KLHL1: variants seen among roughly 807,000 people sequenced by gnomAD.
The protein encoded by KLHL1 is kelch-like protein 1.
A neutral mutation model predicts 77.7 loss-of-function variants in KLHL1; 47 were observed. That is an observed-to-expected ratio of 0.60 (90% CI 0.48 to 0.77). The LOEUF (loss-of-function observed/expected upper bound fraction) is 0.77, where lower values mean the gene tolerates loss of function less well. Among genes scored for constraint, KLHL1 ranks in the 30% least tolerant of loss-of-function variants. The pLI, the probability that KLHL1 is intolerant of heterozygous loss-of-function variation, is 0.00. For synonymous variants in KLHL1, 360 were observed against 325.2 expected (o/e 1.11, Z -1.15); for missense variants, 925 against 910.8 (o/e 1.02, Z -0.20).
chr13:69,877,429 G>C (rs1335449819), intron 5 of KLHL1, among the ~76,000 whole-genome samples: 5 of 151,844 alleles, frequency 3.3e-5, no homozygotes, highest in African/African-American at 1.2e-4. Context: ...GCAGAATAAT[G>C]AGTAAATCAA....
intron 7 of KLHL1, among the ~76,000 whole-genome samples, chr13:69,780,709 T>TATATATATATATATATATAC (rs1333208359): frequency 5.4e-5 from 2 of 37,346 alleles, no homozygotes; most frequent in Non-Finnish European, 1.0e-4. Context: ...TATGTATATA[T>TATATATATATATATATATAC]ATATATGTAT....
chr13:69,792,001 G>T (rs530266018), intron 7 of KLHL1, among the ~76,000 whole-genome samples: 1 of 152,110 alleles, frequency 6.6e-6, no homozygotes, highest in Non-Finnish European at 1.5e-5. Context: ...GAGAAATAGC[G>T]AATGCATGCT....
chr13:70,047,361 T>C (rs1886526809), intron 1 of KLHL1, among the ~76,000 whole-genome samples: 1 of 151,486 alleles, frequency 6.6e-6, no homozygotes, highest in African/African-American at 2.4e-5. Flanking sequence ...TTCACAGATA[T>C]CCTATTACTT....
chr13:69,823,009 G>A (rs1878399537), intron 6 of KLHL1, among the ~76,000 whole-genome samples: 1 of 152,142 alleles, frequency 6.6e-6, no homozygotes. Flanking sequence ...GACGTCAAAA[G>A]TTCGCTATCA....
intron 4 of KLHL1, among the ~76,000 whole-genome samples, chr13:69,929,507 T>C (rs891316150): frequency 3.3e-5 from 5 of 151,938 alleles, no homozygotes; most frequent in African/African-American, 7.2e-5. Context: ...ATAAGTTATC[T>C]AGTTTAGTCT....
At chr13:69,983,589 A>AAAAAAAAG (rs1216543322) in intron 1 of KLHL1, among the ~76,000 whole-genome samples, 3 of 132,218 alleles carry the variant, frequency 2.3e-5, no homozygotes, top group African/African-American at 7.4e-5. Flanking sequence ...AAAAAAAAAA[A>AAAAAAAAG]AAGAAGAAGA....
rs561002683 is a variant in KLHL1, at chr13:69,784,194, T to C, written c.1639+12544A>G. Among the ~76,000 whole-genome samples, 864 of 151,940 alleles carry C rather than the reference T, an allele frequency of 5.7e-3. 4 individuals are homozygous for C. Among genetic ancestry groups the C allele is most frequent in the African/African-American group, 0.019 (797 of 41,440 alleles). The stretch of plus-strand genomic sequence containing the variant: ...GAGCTCCTGAAGGAAGCACTAAACA[T>C]GGAAAGGAAAAACCGGTACCAGCCA... On this transcript the variant is annotated intron_variant, in intron 7 of 10. Coordinates refer to ENST00000377844, the MANE Select transcript of KLHL1 (RefSeq NM_020866.3).
intron 7 of KLHL1, among the ~76,000 whole-genome samples, chr13:69,767,918 T>C (rs948189581): frequency 6.6e-6 from 1 of 152,220 alleles, no homozygotes; most frequent in Non-Finnish European, 1.5e-5. Flanking sequence ...TAATATGATG[T>C]AATATTTTAA....
At chr13:70,025,101 A>G (rs1340701584) in intron 1 of KLHL1, among the ~76,000 whole-genome samples, 1 of 152,070 alleles carries the variant, frequency 6.6e-6, no homozygotes, top group East Asian at 1.9e-4. Context: ...ACCAGGTCAG[A>G]GGACTCCAAA....
rs775528289 is a variant in KLHL1, at chr13:69,975,799, C to T, written c.501G>A (p.Leu167=). The T allele has an allele frequency of 1.9e-6, 3 of 1,606,418 alleles. No homozygotes were observed. Among genetic ancestry groups the T allele is most frequent in the Non-Finnish European group, 2.5e-6 (3 of 1,177,438 alleles). The change falls in exon 2 of 11, where the codon CTG becomes CTA. Residue 167 remains leucine, a synonymous_variant. Transcript: ENST00000377844. Reference sequence around the variant, plus strand: ...GTGTCATTGAATGGCCGGTTGATGACAGCCTATAAACCACACACACACACA... The same window carrying T: ...GTGTCATTGAATGGCCGGTTGATGATAGCCTATAAACCACACACACACACA... The part of the protein sequence containing the change: ...QATGEGCGHR[L]SSTGHSMTPQ...
At chr13:70,039,131 A>G (rs1348262156) in intron 1 of KLHL1, among the ~76,000 whole-genome samples, 1 of 149,614 alleles carries the variant, frequency 6.7e-6, no homozygotes, top group Admixed American at 6.7e-5. Flanking sequence ...GCAGTGGAGC[A>G]ATAATAGCTC....
At chr13:70,088,212 AAACAAC>A (rs769282955) in intron 1 of KLHL1, among the ~76,000 whole-genome samples, 1 of 152,120 alleles carries the variant, frequency 6.6e-6, no homozygotes, top group Non-Finnish European at 1.5e-5. Context: ...TTGTATTATA[AAACAAC>A]AACAACAACA....
intron 1 of KLHL1, among the ~76,000 whole-genome samples, chr13:70,075,197 A>G (rs1268590530): frequency 1.3e-5 from 2 of 152,000 alleles, no homozygotes; most frequent in Non-Finnish European, 2.9e-5. Context: ...TTTGGGAGGC[A>G]CACTTTATTT....
chr13:69,859,442 G>T (rs1880050984), intron 5 of KLHL1, among the ~76,000 whole-genome samples: 1 of 151,924 alleles, frequency 6.6e-6, no homozygotes, highest in Admixed American at 6.6e-5. Context: ...TGTGGCTGTA[G>T]TGGTGTCTTT....
intron 5 of KLHL1, among the ~76,000 whole-genome samples, chr13:69,870,959 T>C (rs901871506): frequency 1.3e-5 from 2 of 152,076 alleles, no homozygotes; most frequent in African/African-American, 2.4e-5. Flanking sequence ...AAACTGCCAG[T>C]GTCTCTATAA....
At chr13:69,967,755 C>T (rs1298096902) in intron 2 of KLHL1, among the ~76,000 whole-genome samples, 2 of 151,838 alleles carry the variant, frequency 1.3e-5, no homozygotes, top group South Asian at 2.1e-4. Context: ...CGTGGTGGCG[C>T]GTGCCTGTAA....
At chr13:69,729,083 G>C (rs1389688527) in intron 8 of KLHL1, among the ~76,000 whole-genome samples, 1 of 152,026 alleles carries the variant, frequency 6.6e-6, no homozygotes, top group African/African-American at 2.4e-5. Context: ...TACCAAAGAA[G>C]AAACAAAAAT....
At chr13:69,721,129 A>T (rs1377746101) in intron 8 of KLHL1, among the ~76,000 whole-genome samples, 3 of 106,770 alleles carry the variant, frequency 2.8e-5, no homozygotes, top group Non-Finnish European at 6.0e-5. Context: ...AAAGGACAGC[A>T]GACAGAACTC....
intron 1 of KLHL1, among the ~76,000 whole-genome samples, chr13:69,990,059 T>C (rs796125466): frequency 6.6e-6 from 1 of 151,938 alleles, no homozygotes; most frequent in East Asian, 1.9e-4. Flanking sequence ...AACCAATAAT[T>C]TCATATCTGG....
Sources: allele counts gnomAD v4.1 joint callset (sites outside exome capture counted in the v4.1 genomes callset), GRCh38; gene constraint gnomAD v4.1.1; transcripts MANE v1.5; gene names NCBI Gene and HGNC (gene_info 2026-07-23, HGNC 2026-07-21).